The following GFRAL variants were observed in gnomAD, a reference collection of about 807,000 sequenced individuals.
The protein encoded by GFRAL is GDNF family receptor alpha like, also known as GDNF family receptor alpha-like.
In GFRAL, 36 loss-of-function variants were observed where a neutral mutation model predicts 45.4. The observed-to-expected ratio is 0.79, with a 90% CI of 0.61 to 1.05. GFRAL has a LOEUF of 1.05. Among genes scored for constraint, GFRAL ranks in the 50% least tolerant of loss-of-function variants. GFRAL has a pLI of 0.00. For synonymous variants in GFRAL, 166 were observed against 154.1 expected (o/e 1.08, Z -0.57); for missense variants, 507 against 467.5 (o/e 1.08, Z -0.78).
At chr6:55,372,474 TG>T (rs1450244235) in intron 6 of GFRAL, among the ~76,000 whole-genome samples, 5 of 152,324 alleles carry the variant, frequency 3.3e-5, no homozygotes, top group Middle Eastern at 6.8e-3. Flanking sequence ...GTTTATTTCT[TG>T]GGAGCATTAA....
intron 6 of GFRAL, among the ~76,000 whole-genome samples, chr6:55,365,187 TTC>T (rs1414119701): frequency 6.7e-6 from 1 of 149,888 alleles, no homozygotes; most frequent in Non-Finnish European, 1.5e-5. Context: ...AGGTATTTTA[TTC>T]TCTTTGAAGC....
intron 3 of GFRAL, among the ~76,000 whole-genome samples, chr6:55,345,586 A>T (rs572522492): frequency 5.6e-4 from 85 of 152,342 alleles, no homozygotes; most frequent in Non-Finnish European, 9.4e-4. Flanking sequence ...ACAACCATAA[A>T]AACCCTAGAA....
Position 55,385,763 on chromosome 6 carries a change from T to C in GFRAL, c.953-13417T>C, listed in dbSNP as rs559537763. ...AGTTTGTTTGATGAGAGGCAATTTG[T>C]TGCAATATAAAGAAGAGCCTAAGAA... On this transcript the variant is annotated intron_variant, in intron 6 of 8. Transcript: ENST00000340465. 5.3e-5 allele frequency among the ~76,000 whole-genome samples: 8 copies of C among 152,238 alleles called. No homozygotes were observed. In the South Asian group the frequency reaches 1.7e-3, roughly 32 times the overall value.
chr6:55,399,329 A>C lies in GFRAL; in HGVS notation c.1049-40A>C. 3 of 1,551,420 alleles carry C rather than the reference A, an allele frequency of 1.9e-6. No individual in the cohort carries two copies. In the South Asian group the frequency reaches 3.4e-5, roughly 18 times the overall value. ...TTTATATTATTTATTTCCTCTAAAA[A>C]TCCAGTGACTATTATTTCTTAATCT... On this transcript the variant is annotated intron_variant, in intron 7 of 8. Transcript: ENST00000340465.
intron 3 of GFRAL, among the ~76,000 whole-genome samples, chr6:55,342,192 T>C (rs1190173598): frequency 2.0e-5 from 3 of 152,072 alleles, no homozygotes; most frequent in African/African-American, 7.2e-5. Flanking sequence ...AGATATTCCT[T>C]GAGAAGAGCA....
chr6:55,366,224 GTGTAGAGGTGTT>G (rs1228103288), intron 6 of GFRAL, among the ~76,000 whole-genome samples: 2 of 151,916 alleles, frequency 1.3e-5, no homozygotes, highest in Non-Finnish European at 2.9e-5. Context: ...TAGTTTATTT[GTGTAGAGGTGTT>G]TGTAGTATTC....
At chr6:55,392,745 G>A (rs114870464) in intron 6 of GFRAL, among the ~76,000 whole-genome samples, 4,736 of 151,944 alleles carry the variant, frequency 0.031, 233 homozygotes, top group African/African-American at 0.11. Context: ...GTGGGAGGAG[G>A]GAGAGGATTA....
intron 1 of GFRAL, among the ~76,000 whole-genome samples, chr6:55,331,341 C>T (rs1767826521): frequency 6.6e-6 from 1 of 151,714 alleles, no homozygotes; most frequent in South Asian, 2.1e-4. Context: ...GGAAGAGTTT[C>T]AAAAACAAAA....
intron 6 of GFRAL, among the ~76,000 whole-genome samples, chr6:55,368,374 G>T (rs1240231908): frequency 4.7e-5 from 7 of 150,322 alleles, no homozygotes; most frequent in African/African-American, 9.8e-5. Context: ...CAACTTCTTT[G>T]CCTTTGGTTT....
intron 3 of GFRAL, among the ~76,000 whole-genome samples, chr6:55,338,999 T>A (rs765697153): frequency 6.6e-6 from 1 of 152,030 alleles, no homozygotes; most frequent in African/African-American, 2.4e-5. Context: ...AAGATGCAGG[T>A]CAAGAATATC....
chr6:55,333,898 T>C lies in GFRAL; in HGVS notation c.270T>C (p.Tyr90=), dbSNP rs116685319. Residue 90 remains tyrosine, a synonymous_variant, in exon 3 of 9, where the codon TAT becomes TAC. Transcript: ENST00000340465. ...AGTGTCTTTGCACTGATGACTTCTA[T>C]TGTACTGTGAACAAACTGCTTGGAA... ...FKECLCTDDF[Y]CTVNKLLGKK... The C allele has an allele frequency of 0.018, 28,844 of 1,601,540 alleles. 351 individuals carry two copies. Among genetic ancestry groups the C allele is most frequent in the Non-Finnish European group, 0.022 (25,525 of 1,173,840 alleles).
chr6:55,347,179 T>A (rs1768055104), intron 3 of GFRAL, among the ~76,000 whole-genome samples: 1 of 151,984 alleles, frequency 6.6e-6, no homozygotes, highest in African/African-American at 2.4e-5. Flanking sequence ...ATCCAGGAGA[T>A]GATGCTAAGA....
chr6:55,343,206 G>A (rs142625484), intron 3 of GFRAL, among the ~76,000 whole-genome samples: 56 of 152,042 alleles, frequency 3.7e-4, no homozygotes, highest in African/African-American at 1.2e-3. Context: ...CTCTCCACCC[G>A]AAATCAACAG....
intron 1 of GFRAL, among the ~76,000 whole-genome samples, chr6:55,330,933 A>T (rs555322164): frequency 6.6e-6 from 1 of 152,268 alleles, no homozygotes; most frequent in South Asian, 2.1e-4. Context: ...GTCTACCACA[A>T]AACCAAGATT....
intron 1 of GFRAL, 40 bp from the exon 2 acceptor site, chr6:55,331,675 A>G: frequency 6.4e-7 from 1 of 1,572,470 alleles, no homozygotes; most frequent in Non-Finnish European, 8.6e-7. Flanking sequence ...ATGGATGCCA[A>G]ATTTATATTA....
chr6:55,349,875 C>A (rs934457669), intron 3 of GFRAL, among the ~76,000 whole-genome samples: 3 of 151,622 alleles, frequency 2.0e-5, no homozygotes, highest in Non-Finnish European at 4.4e-5. Context: ...CAGAGCAGGG[C>A]TGTATAGCTC....
At chr6:55,337,687 T>G (rs1024114517) in intron 3 of GFRAL, among the ~76,000 whole-genome samples, 3 of 152,162 alleles carry the variant, frequency 2.0e-5, no homozygotes, top group African/African-American at 7.2e-5. Flanking sequence ...AAGTTTTCAG[T>G]TTACTGTTTC....
chr6:55,346,600 G>A (rs151305457), intron 3 of GFRAL, among the ~76,000 whole-genome samples: 1,986 of 152,130 alleles, frequency 0.013, 23 homozygotes, highest in Non-Finnish European at 0.022. Context: ...TAAATGATGA[G>A]TTAATGGATG....
intron 1 of GFRAL, 152 bp downstream of exon 1, chr6:55,327,728 G>A: frequency 1.5e-6 from 1 of 676,634 alleles, no homozygotes; most frequent in Admixed American, 3.0e-5. Context: ...TATTCTTCTT[G>A]CAAAAATGTA....
Sources: allele counts gnomAD v4.1 joint callset (sites outside exome capture counted in the v4.1 genomes callset), GRCh38; gene constraint gnomAD v4.1.1; transcripts MANE v1.5; gene names NCBI Gene and HGNC (gene_info 2026-07-23, HGNC 2026-07-21).